The following MMP26 variants were observed in gnomAD, a reference collection of about 807,000 sequenced individuals.
MMP26 encodes the protein matrix metallopeptidase 26.
Under a neutral mutation model 31.0 loss-of-function variants are expected in MMP26, and 33 were observed. The observed-to-expected ratio is 1.06, with a 90% CI of 0.81 to 1.42. MMP26 has a LOEUF of 1.42. Among genes scored for constraint, MMP26 ranks in the 40% most tolerant of loss-of-function variants. The pLI is 0.00. For synonymous variants in MMP26, 122 were observed against 114.9 expected, an observed-to-expected ratio of 1.06 and a Z score of -0.40; for missense variants, 347 against 316.1, an observed-to-expected ratio of 1.10 and a Z score of -0.74.
chr11:4,825,405 AT>A (rs1849566087), intron 2 of MMP26, among the ~76,000 whole-genome samples: 1 of 152,066 alleles, frequency 6.6e-6, no homozygotes, highest in Non-Finnish European at 1.5e-5. Flanking sequence ...CCTTTGCCTG[AT>A]TTTTAGAGCT....
At chr11:4,910,338 GA>G (rs1406249734) in intron 2 of MMP26, among the ~76,000 whole-genome samples, 13 of 151,980 alleles carry the variant, frequency 8.6e-5, no homozygotes, top group African/African-American at 1.4e-4. Context: ...GGTTCCCCTG[GA>G]TAATCTTGGA....
At chr11:4,769,895 G>A (rs1848693091) in intron 2 of MMP26, 5 of 1,607,264 alleles carry the variant, frequency 3.1e-6, no homozygotes, top group Non-Finnish European at 4.3e-6. Context: ...AAATTTAGAT[G>A]TTGAGTTGCT....
rs1846347196 is a variant in MMP26 at position 4,949,125 on chromosome 11, G to A, written c.-144-38943G>A. 1.6e-5 allele frequency among the ~76,000 whole-genome samples: 2 copies of A among 124,548 alleles called. 1 individual carries two copies. Among genetic ancestry groups the A allele is most frequent in the Non-Finnish European group, 3.7e-5 (2 of 54,794 alleles). The allele number at this position is 124,548 out of a possible 152,430, so 81.7% of individuals were successfully genotyped here. On this transcript the variant is annotated intron_variant, in intron 2 of 7. Transcript: ENST00000380390. Reference sequence around the variant, plus strand: ...AGACAGGCAGTGCATTACTATCATGGTGGATGGCATATAGTAGCTTATTAA... The same window carrying A: ...AGACAGGCAGTGCATTACTATCATGATGGATGGCATATAGTAGCTTATTAA...
rs201626472 is a variant in MMP26, at chr11:4,942,089, C to CAAAAAAAA, written c.-144-45965_-144-45958dup. On this transcript the variant is annotated intron_variant, in intron 2 of 7. Coordinates refer to ENST00000380390, the MANE Select transcript of MMP26 (RefSeq NM_021801.5). Reference sequence around the variant, plus strand: ...TGGGCAGCAGAATGAGAGTCCATCTCAAAAAAAAAAAAAAAAAAAAAGGAA... The same window carrying CAAAAAAAA: ...TGGGCAGCAGAATGAGAGTCCATCTCAAAAAAAAAAAAAAAAAAAAAAAAAAAAAGGAA... 8.9e-4 allele frequency among the ~76,000 whole-genome samples: 33 copies of CAAAAAAAA among 37,122 alleles called. 3 individuals are homozygous for CAAAAAAAA. The highest frequency in any genetic ancestry group is 0.012 in the Middle Eastern group (1 of 86). The allele number at this position is 37,122 out of a possible 152,430, so 24.4% of individuals were successfully genotyped here. A position where few individuals can be genotyped will look rare whatever the true frequency, so the allele number is the denominator to read the frequency against.
intron 2 of MMP26, among the ~76,000 whole-genome samples, chr11:4,827,927 G>A (rs1467802863): frequency 6.6e-6 from 1 of 151,552 alleles, no homozygotes; most frequent in Non-Finnish European, 1.5e-5. Context: ...AGCCTTTTCT[G>A]GATCTGGAGA....
intron 1 of MMP26, among the ~76,000 whole-genome samples, chr11:4,721,873 T>A (rs1764830909): frequency 6.6e-6 from 1 of 152,176 alleles, no homozygotes; most frequent in African/African-American, 2.4e-5. Context: ...TGTTTCGTCC[T>A]CCTGCTTTGG....
At chr11:4,932,309 T>C (rs1205669453) in intron 2 of MMP26, among the ~76,000 whole-genome samples, 1 of 152,166 alleles carries the variant, frequency 6.6e-6, no homozygotes, top group Admixed American at 6.6e-5. Context: ...TCTCTTCCTT[T>C]GAATCTGAGC....
intron 2 of MMP26, among the ~76,000 whole-genome samples, chr11:4,852,311 A>G (rs934789119): frequency 2.0e-5 from 3 of 152,144 alleles, no homozygotes; most frequent in African/African-American, 7.2e-5. Flanking sequence ...AAAAATACAC[A>G]AGGAAATAGA....
intron 2 of MMP26, among the ~76,000 whole-genome samples, chr11:4,985,625 C>T (rs552681493): frequency 9.9e-5 from 15 of 152,228 alleles, no homozygotes; most frequent in Non-Finnish European, 1.9e-4. Flanking sequence ...ACATACATTA[C>T]CATTTATATT....
At chr11:4,732,641 G>A (rs550406663) in intron 1 of MMP26, among the ~76,000 whole-genome samples, 58 of 151,498 alleles carry the variant, frequency 3.8e-4, no homozygotes, top group African/African-American at 1.3e-3. Context: ...TCTCAGCCCT[G>A]AGCAATCACT....
At chr11:4,986,905 T>TC (rs1846899080) in intron 2 of MMP26, among the ~76,000 whole-genome samples, 6 of 48,644 alleles carry the variant, frequency 1.2e-4, no homozygotes, top group Non-Finnish European at 1.9e-4. Context: ...CTTCCTTCCT[T>TC]TCTCTCTCTC....
chr11:4,988,428 C>G, intron 3 of MMP26, 118 bp downstream of exon 3: 1 of 785,714 alleles, frequency 1.3e-6, no homozygotes. Flanking sequence ...TAATATTACA[C>G]ATGAAAACAT....
At chr11:4,951,571 A>G (rs1303152340) in intron 2 of MMP26, among the ~76,000 whole-genome samples, 1 of 124,224 alleles carries the variant, frequency 8.0e-6, no homozygotes, top group Non-Finnish European at 1.8e-5. Flanking sequence ...TAGGTTTCTT[A>G]AAAAATAATT....
At chr11:4,965,727 C>T (rs1368822) in intron 2 of MMP26, among the ~76,000 whole-genome samples, 72,790 of 151,914 alleles carry the variant, frequency 0.48, 18,595 homozygotes, top group South Asian at 0.64. Context: ...TTTACAACTC[C>T]GTAAGTTTTA....
At chr11:4,820,531 T>G (rs1432160024) in intron 2 of MMP26, among the ~76,000 whole-genome samples, 1 of 151,830 alleles carries the variant, frequency 6.6e-6, no homozygotes, top group African/African-American at 2.4e-5. Context: ...TCTCACTCCC[T>G]CCCTTCTTCC....
At chr11:4,822,033 GC>G in intron 2 of MMP26, 1 of 1,613,822 alleles carries the variant, frequency 6.2e-7, no homozygotes, top group South Asian at 1.1e-5. Context: ...GTCTGTTTGC[GC>G]TTTTGTCCAC....
intron 2 of MMP26, chr11:4,943,860 C>A: frequency 2.2e-6 from 1 of 449,346 alleles, no homozygotes. Flanking sequence ...TTAAGACTGT[C>A]AAAAACCCCT....
chr11:4,751,750 T>G (rs1485471455), intron 1 of MMP26, among the ~76,000 whole-genome samples: 1 of 152,162 alleles, frequency 6.6e-6, no homozygotes, highest in Non-Finnish European at 1.5e-5. Flanking sequence ...TTTGGAATCT[T>G]AATTCAAAGT....
chr11:4,890,994 T>TAATAAC (rs1235470485), intron 2 of MMP26, among the ~76,000 whole-genome samples: 2 of 145,824 alleles, frequency 1.4e-5, no homozygotes, highest in African/African-American at 2.5e-5. Context: ...ATAATAATAA[T>TAATAAC]AATAATAATA....
Sources: gnomAD v4.1 joint callset for allele counts (sites outside exome capture counted in the v4.1 genomes callset) on GRCh38, gnomAD v4.1.1 for gene constraint, MANE v1.5 for transcripts, NCBI Gene and HGNC (gene_info 2026-07-23, HGNC 2026-07-21) for gene names.